ZHX3: variants seen among roughly 807,000 people sequenced by gnomAD.
The protein encoded by ZHX3 is zinc fingers and homeoboxes protein 3.
Under a neutral mutation model 64.5 loss-of-function variants are expected in ZHX3, and 20 were observed. The observed-to-expected ratio is 0.31, with a 90% CI of 0.22 to 0.45. The LOEUF (loss-of-function observed/expected upper bound fraction) is 0.45. Among genes scored for constraint, ZHX3 ranks in the 20% least tolerant of loss-of-function variants. The pLI is 1.00. For synonymous variants in ZHX3, 423 were observed against 461.6 expected, an observed-to-expected ratio of 0.92 and a Z score of 1.07; for missense variants, 1,041 against 1,195.8, an observed-to-expected ratio of 0.87 and a Z score of 1.91.
rs57987896 is a variant in ZHX3 at position 41,296,232 on chromosome 20, T to TAAAAAAAAAA, written c.-245+21267_-245+21276dup. Among the ~76,000 whole-genome samples the TAAAAAAAAAA allele has an allele frequency of 4.4e-4, 32 of 72,996 alleles. 5 individuals are homozygous for TAAAAAAAAAA. The highest frequency in any genetic ancestry group is 7.5e-4 in the African/African-American group (16 of 21,316). 47.9% of individuals were successfully genotyped at this position (72,996 alleles called of 152,430 possible). A position where few individuals can be genotyped will look rare whatever the true frequency, so the allele number is the denominator to read the frequency against. On this transcript the variant is annotated intron_variant, in intron 1 of 3. Coordinates refer to ENST00000683867, the MANE Select transcript of ZHX3 (RefSeq NM_001384317.1). Reference sequence around the variant, plus strand: ...TTCCCTTCTCCTCAAGTTCATAAAGTAAAAAAAAAAAAAAAAAAAAAAAAA... The same window carrying TAAAAAAAAAA: ...TTCCCTTCTCCTCAAGTTCATAAAGTAAAAAAAAAAAAAAAAAAAAAAAAAAAAAAAAAAA...
intron 1 of ZHX3, among the ~76,000 whole-genome samples, chr20:41,303,545 C>A (rs1290896711): frequency 1.3e-5 from 2 of 152,188 alleles, no homozygotes; most frequent in South Asian, 2.1e-4. Context: ...GAAGCTTTTA[C>A]AAGGGCAAAA....
chr20:41,298,024 T>C lies in ZHX3; in HGVS notation c.-245+19485A>G, dbSNP rs372276358. Among the ~76,000 whole-genome samples, 54 of 152,312 alleles carry C rather than the reference T, an allele frequency of 3.5e-4. 1 individual carries two copies. The East Asian group carries it at 4.8e-3, about 14-fold the overall frequency. On this transcript the variant is annotated intron_variant, in intron 1 of 3. Transcript: ENST00000683867. Reference sequence around the variant, plus strand: ...GCCTTAGCTGTCAGCACCCGCCATGTGCAGAGGGCTCTTCCAGATGCCCTG... The same window carrying C: ...GCCTTAGCTGTCAGCACCCGCCATGCGCAGAGGGCTCTTCCAGATGCCCTG...
chr20:41,278,769 A>G (rs1249459382), intron 1 of ZHX3, among the ~76,000 whole-genome samples: 4 of 140,726 alleles, frequency 2.8e-5, no homozygotes, highest in African/African-American at 8.0e-5. Context: ...TTCTCTGCAC[A>G]GTTTTTTTTT....
chr20:41,308,306 T>C (rs2045037492), intron 1 of ZHX3, among the ~76,000 whole-genome samples: 1 of 152,192 alleles, frequency 6.6e-6, no homozygotes, highest in Non-Finnish European at 1.5e-5. Context: ...TGATGTACAT[T>C]TGACTAGCTC....
rs755245572 is a variant in ZHX3, at chr20:41,185,209, G to A, written c.2861-8C>T. On this transcript the variant is annotated splice_region_variant and splice_polypyrimidine_tract_variant and intron_variant, in intron 3 of 3. Transcript: ENST00000683867. The surrounding 1 kb of genome is among the most constrained non-coding windows in gnomAD (Gnocchi z 5.0). ...ATCAAATTCAGTCTGTTTCTGAGAA[G>A]AAAACACATGCCTGTCACTCTACGG... 6.2e-6 allele frequency: 10 copies of A among 1,604,418 alleles called. No individual in the cohort carries two copies. Among genetic ancestry groups the A allele is most frequent in the Non-Finnish European group, 8.5e-6 (10 of 1,174,182 alleles).
At chr20:41,230,836 T>TTTG (rs1375090130) in intron 2 of ZHX3, among the ~76,000 whole-genome samples, 1 of 151,692 alleles carries the variant, frequency 6.6e-6, no homozygotes, top group African/African-American at 2.4e-5. Context: ...GAATGGTACA[T>TTTG]TTGTTACAAC....
intron 1 of ZHX3, among the ~76,000 whole-genome samples, chr20:41,303,887 GA>G (rs1395621484): frequency 2.0e-5 from 3 of 152,112 alleles, no homozygotes. Context: ...CATCAGCAGT[GA>G]AAATGCATCT....
intron 3 of ZHX3, among the ~76,000 whole-genome samples, chr20:41,198,806 CTATATGAG>C (rs1456511629): frequency 1.3e-5 from 2 of 152,062 alleles, no homozygotes; most frequent in East Asian, 1.9e-4. Flanking sequence ...TCTGCGATTC[CTATATGAG>C]TATATGAGTA....
rs190350915 is a variant in ZHX3, at chr20:41,289,058, T to C, written c.-244-19975A>G. 2.9e-3 allele frequency among the ~76,000 whole-genome samples: 447 copies of C among 152,296 alleles called. 2 individuals are homozygous for C. The highest frequency in any genetic ancestry group is 5.1e-3 in the Non-Finnish European group (344 of 68,014). On this transcript the variant is annotated intron_variant, in intron 1 of 3. Coordinates refer to ENST00000683867, the MANE Select transcript of ZHX3 (RefSeq NM_001384317.1). ...AGTCCGGAATGCAGTGGCGCAATCA[T>C]GGCTTCCACGGCAACCTCAACCTCT...
chr20:41,179,185 C>T lies in ZHX3; in HGVS notation c.*6006G>A, dbSNP rs1185217827. 1 of 152,228 alleles carries T rather than the reference C, an allele frequency of 6.6e-6. No individual in the cohort carries two copies. Among genetic ancestry groups the T allele is most frequent in the Non-Finnish European group, 1.5e-5 (1 of 68,072 alleles). 9.4% of individuals were successfully genotyped at this position (152,228 alleles called of 1,614,324 possible). ...AGAAAGGAAGGTGGGCGTGTTTTCTCTTTAATAACAATTATGGCACAATCT... is the reference window on the plus strand; with the variant it reads ...AGAAAGGAAGGTGGGCGTGTTTTCTTTTTAATAACAATTATGGCACAATCT... On this transcript the variant is annotated 3_prime_UTR_variant, in exon 4 of 4. Transcript: ENST00000683867. This position sits in a 1 kb window ranked among gnomAD's most constrained non-coding sequence, Gnocchi z 4.3.
chr20:41,298,841 T>C (rs975799130), intron 1 of ZHX3, among the ~76,000 whole-genome samples: 2 of 152,192 alleles, frequency 1.3e-5, no homozygotes, highest in Admixed American at 6.5e-5. Flanking sequence ...CTTCAGGTAC[T>C]TGAAGGGTTG....
intron 1 of ZHX3, among the ~76,000 whole-genome samples, chr20:41,300,647 G>T (rs938761705): frequency 1.3e-5 from 2 of 152,240 alleles, no homozygotes; most frequent in Non-Finnish European, 2.9e-5. Context: ...AGCCCGAGGG[G>T]TCAGAGAAGG....
rs1250827314 is a variant in ZHX3 at position 41,185,419 on chromosome 20, A to C, written c.2861-218T>G. 1.3e-5 allele frequency among the ~76,000 whole-genome samples: 2 copies of C among 151,928 alleles called. No individual in the cohort carries two copies. The highest frequency in any genetic ancestry group is 2.9e-5 in the Non-Finnish European group (2 of 68,000). ...TGGCTCAACCTTGTAAGGCCATCAG[A>C]CTCTCTGAGAGACCCTGCTAAACCC... On this transcript the variant is annotated intron_variant, in intron 3 of 3. Transcript: ENST00000683867. This position sits in a 1 kb window ranked among gnomAD's most constrained non-coding sequence, Gnocchi z 5.0.
At chr20:41,216,331 G>C (rs2039531169) in intron 2 of ZHX3, among the ~76,000 whole-genome samples, 1 of 151,886 alleles carries the variant, frequency 6.6e-6, no homozygotes, top group African/African-American at 2.4e-5. Context: ...TTCTCTCTCG[G>C]AAAGAAAGAA....
At chr20:41,298,207 T>C (rs944964629) in intron 1 of ZHX3, among the ~76,000 whole-genome samples, 3 of 152,218 alleles carry the variant, frequency 2.0e-5, no homozygotes, top group Non-Finnish European at 2.9e-5. Flanking sequence ...TAGGAGCTCG[T>C]TGCTCTGGGT....
chr20:41,231,305 T>C (rs2040589600), intron 2 of ZHX3, among the ~76,000 whole-genome samples: 2 of 152,208 alleles, frequency 1.3e-5, no homozygotes, highest in South Asian at 4.1e-4. Context: ...ATGGGCAGTT[T>C]TTCTCAGCAT....
At chr20:41,301,927 G>A (rs961347223) in intron 1 of ZHX3, among the ~76,000 whole-genome samples, 11 of 150,494 alleles carry the variant, frequency 7.3e-5, no homozygotes, top group Non-Finnish European at 1.5e-5. Context: ...AGTGGCGGGC[G>A]CCTGTAGTCC....
intron 2 of ZHX3, among the ~76,000 whole-genome samples, chr20:41,230,908 T>C (rs2040565263): frequency 6.6e-6 from 1 of 152,234 alleles, no homozygotes; most frequent in Admixed American, 6.5e-5. Flanking sequence ...TAGAGTTCAC[T>C]CTTGGTGTAC....
intron 1 of ZHX3, among the ~76,000 whole-genome samples, chr20:41,311,262 A>G (rs1216940187): frequency 1.3e-5 from 2 of 152,162 alleles, no homozygotes; most frequent in Admixed American, 1.3e-4. Context: ...TAATAGTAAT[A>G]GCTAACATTG....
Sources: allele counts gnomAD v4.1 joint callset (sites outside exome capture counted in the v4.1 genomes callset), GRCh38; gene constraint gnomAD v4.1.1; non-coding constraint Gnocchi (gnomAD v3.1); transcripts MANE v1.5; gene names NCBI Gene and HGNC (gene_info 2026-07-23, HGNC 2026-07-21).